Variants in NAV2 observed in about 807,000 individuals in gnomAD.
The protein encoded by NAV2 is helicase, APC down-regulated 1.
In NAV2, 54 loss-of-function variants were observed where a neutral mutation model predicts 223.2. The observed-to-expected ratio is 0.24, with a 90% CI of 0.19 to 0.30. The LOEUF (loss-of-function observed/expected upper bound fraction) is 0.30, where lower values mean the gene tolerates loss of function less well. Among genes scored for constraint, NAV2 ranks in the 10% least tolerant of loss-of-function variants. The probability of loss-of-function intolerance (pLI) is 1.00; values close to 1 mark genes in which losing one functional copy is unlikely to be tolerated. For synonymous variants in NAV2, 1,279 were observed against 1,239.3 expected (o/e 1.03, Z -0.67); for missense variants, 2,806 against 3,147.5 (o/e 0.89, Z 2.60).
intron 1 of NAV2, among the ~76,000 whole-genome samples, chr11:19,371,079 C>T (rs1848453511): frequency 2.0e-5 from 3 of 152,170 alleles, no homozygotes; most frequent in South Asian, 2.1e-4. Flanking sequence ...AGGTTAGCCT[C>T]TGTAATCATT....
At chr11:19,531,073 T>G (rs1257734062) in intron 1 of NAV2, among the ~76,000 whole-genome samples, 1 of 152,246 alleles carries the variant, frequency 6.6e-6, no homozygotes, top group Non-Finnish European at 1.5e-5. Flanking sequence ...AGATTACTAC[T>G]ATTTCTATGT....
chr11:19,385,873 T>G (rs1286168967), intron 1 of NAV2, among the ~76,000 whole-genome samples: 1 of 150,726 alleles, frequency 6.6e-6, no homozygotes, highest in African/African-American at 2.5e-5. Flanking sequence ...GCCAGTCTCC[T>G]GCCTCAGCCT....
At chr11:19,747,240 T>C (rs2053447162) in intron 1 of NAV2, among the ~76,000 whole-genome samples, 1 of 152,076 alleles carries the variant, frequency 6.6e-6, no homozygotes, top group Non-Finnish European at 1.5e-5. Context: ...TTTTTATGGC[T>C]GCATAGTATT....
At chr11:19,792,035 G>C (rs900705013) in intron 1 of NAV2, among the ~76,000 whole-genome samples, 5 of 152,202 alleles carry the variant, frequency 3.3e-5, no homozygotes, top group Admixed American at 6.5e-5. Flanking sequence ...TGGGCATGGT[G>C]GGGGAGAGAA....
chr11:19,825,318 A>G (rs1403159171), intron 1 of NAV2, among the ~76,000 whole-genome samples: 1 of 150,178 alleles, frequency 6.7e-6, no homozygotes, highest in African/African-American at 2.5e-5. Context: ...AAAAAAAAAA[A>G]AAAGGCATTA....
chr11:19,471,896 C>T (rs1326573059), intron 1 of NAV2, among the ~76,000 whole-genome samples: 7 of 152,178 alleles, frequency 4.6e-5, no homozygotes, highest in African/African-American at 7.2e-5. Context: ...ATCCTCCCTC[C>T]TACCTGGGCC....
At chr11:19,841,621 CAG>C (rs2060515804) in intron 2 of NAV2, among the ~76,000 whole-genome samples, 1 of 152,124 alleles carries the variant, frequency 6.6e-6, no homozygotes, top group Non-Finnish European at 1.5e-5. Context: ...AAGAACAAAA[CAG>C]AGGCAGGTAC....
rs1390205038 is a variant in NAV2 at position 19,984,068 on chromosome 11, G to T, written c.2646-57G>T. The T allele has an allele frequency of 3.7e-6, 6 of 1,611,214 alleles. No homozygotes were observed. In the African/African-American group the frequency reaches 8.0e-5, roughly 22 times the overall value. On this transcript the variant is annotated intron_variant, in intron 10 of 37. Transcript: ENST00000349880. ...TACAGGCTTCTGGATATGAATGCAA[G>T]CCTGGAAGCCACTTGCTTTGGACAT...
intron 6 of NAV2, among the ~76,000 whole-genome samples, chr11:19,928,244 T>G (rs73439564): frequency 0.038 from 5,819 of 152,324 alleles, 326 homozygotes; most frequent in African/African-American, 0.12. Flanking sequence ...TAGCTCAAAT[T>G]TTAAATCTAC....
At chr11:19,984,762 G>A (rs1205461297) in intron 11 of NAV2, among the ~76,000 whole-genome samples, 1 of 152,208 alleles carries the variant, frequency 6.6e-6, no homozygotes. Flanking sequence ...CATAGAGGTT[G>A]ATCAGGCGTC....
At chr11:19,717,896 A>G (rs1421146411) in intron 1 of NAV2, among the ~76,000 whole-genome samples, 1 of 152,158 alleles carries the variant, frequency 6.6e-6, no homozygotes, top group Non-Finnish European at 1.5e-5. Flanking sequence ...GTGACATCCC[A>G]TTGCCCCTAA....
At chr11:19,801,104 A>C (rs1472269602) in intron 1 of NAV2, among the ~76,000 whole-genome samples, 1 of 152,206 alleles carries the variant, frequency 6.6e-6, no homozygotes. Context: ...GTCTGATTAC[A>C]ATCTCCCAAC....
the NAV2 span, among the ~76,000 whole-genome samples, chr11:19,345,252 C>A: frequency 6.6e-6 from 1 of 152,202 alleles, no homozygotes; most frequent in Admixed American, 6.5e-5. The surrounding 1 kb of genome is among the most constrained non-coding windows in gnomAD (Gnocchi z 5.2). Flanking sequence ...GAAGCGCGGG[C>A]CGGAGTGCAG....
At chr11:20,047,466 C>G (rs1430682142) in intron 14 of NAV2, among the ~76,000 whole-genome samples, 1 of 152,044 alleles carries the variant, frequency 6.6e-6, no homozygotes, top group East Asian at 1.9e-4. Flanking sequence ...TGTATGTAGT[C>G]ATGCATAGCA....
chr11:19,920,582 C>T (rs1040977620), intron 6 of NAV2, among the ~76,000 whole-genome samples: 8 of 152,128 alleles, frequency 5.3e-5, no homozygotes, highest in South Asian at 2.1e-4. Flanking sequence ...TCACCGAGCC[C>T]GGCTAAATGA....
intron 1 of NAV2, among the ~76,000 whole-genome samples, chr11:19,409,950 TG>T (rs1850069150): frequency 6.6e-6 from 1 of 152,096 alleles, no homozygotes; most frequent in Non-Finnish European, 1.5e-5. Flanking sequence ...TGGGAAGAAG[TG>T]GGAGCCCTGG....
chr11:19,428,340 T>A (rs1850915840), intron 1 of NAV2, among the ~76,000 whole-genome samples: 1 of 152,192 alleles, frequency 6.6e-6, no homozygotes, highest in African/African-American at 2.4e-5. Flanking sequence ...ATCTCAGTAC[T>A]GGGCTTTGAG....
chr11:20,090,786 C>T, intron 26 of NAV2, 79 bp from the exon 27 acceptor site: 1 of 1,478,660 alleles, frequency 6.8e-7, no homozygotes, highest in Non-Finnish European at 9.2e-7. Flanking sequence ...GCTAAACAAA[C>T]CTGATGATTG....
intron 1 of NAV2, among the ~76,000 whole-genome samples, chr11:19,700,322 C>G (rs1050331423): frequency 6.6e-6 from 1 of 152,166 alleles, no homozygotes; most frequent in Non-Finnish European, 1.5e-5. Context: ...TGGCACAGTT[C>G]GGACCCATGC....
Sources: gnomAD v4.1 joint callset for allele counts (sites outside exome capture counted in the v4.1 genomes callset) on GRCh38, gnomAD v4.1.1 for gene constraint, Gnocchi (gnomAD v3.1) non-coding constraint, MANE v1.5 for transcripts, NCBI Gene and HGNC (gene_info 2026-07-23, HGNC 2026-07-21) for gene names.